The following GLCCI1 variants were observed in gnomAD, a reference collection of about 807,000 sequenced individuals.
GLCCI1 encodes the protein glucocorticoid-induced transcript 1 protein.
A neutral mutation model predicts 52.2 loss-of-function variants in GLCCI1; 24 were observed. That is an observed-to-expected ratio of 0.46 (90% CI 0.33 to 0.65). The LOEUF (loss-of-function observed/expected upper bound fraction) is 0.65, where lower values mean the gene tolerates loss of function less well. Ranked by LOEUF, GLCCI1 falls within the 30% of genes least tolerant of loss-of-function variation. The pLI is 0.02. For synonymous variants in GLCCI1, 310 were observed against 276.5 expected, an observed-to-expected ratio of 1.12 and a Z score of -1.20; for missense variants, 704 against 701.5, an observed-to-expected ratio of 1.00 and a Z score of -0.04.
intron 1 of GLCCI1, among the ~76,000 whole-genome samples, chr7:7,983,007 T>A (rs768128131): frequency 1.8e-4 from 27 of 152,180 alleles, no homozygotes; most frequent in Non-Finnish European, 3.7e-4. Context: ...TTAGCTAGTC[T>A]TTAGGACACT....
At chr7:7,976,728 A>G (rs1489039983) in intron 1 of GLCCI1, among the ~76,000 whole-genome samples, 1 of 151,740 alleles carries the variant, frequency 6.6e-6, no homozygotes, top group African/African-American at 2.4e-5. Context: ...CCTGAGCAAC[A>G]TGACAAGACC....
chr7:8,050,889 C>T (rs919556910), intron 3 of GLCCI1, among the ~76,000 whole-genome samples: 9 of 152,090 alleles, frequency 5.9e-5, no homozygotes, highest in African/African-American at 2.2e-4. Flanking sequence ...AATAATAGTA[C>T]CTATCTCATG....
chr7:8,063,387 C>T (rs921092434), intron 5 of GLCCI1, among the ~76,000 whole-genome samples: 2 of 151,946 alleles, frequency 1.3e-5, no homozygotes, highest in African/African-American at 4.8e-5. Flanking sequence ...CTCAGGCAAT[C>T]CACCCACCTC....
chr7:7,979,930 C>T (rs1780574540), intron 1 of GLCCI1, among the ~76,000 whole-genome samples: 1 of 151,888 alleles, frequency 6.6e-6, no homozygotes, highest in Admixed American at 6.6e-5. Flanking sequence ...TTTTCTTTAT[C>T]TTTCTGTCTT....
chr7:8,033,098 A>G (rs186850274), intron 3 of GLCCI1, among the ~76,000 whole-genome samples: 3 of 152,192 alleles, frequency 2.0e-5, no homozygotes, highest in South Asian at 2.1e-4. Flanking sequence ...ATGGTTTAAC[A>G]TCAGAAAATT....
At chr7:8,005,433 G>C (rs930143748) in intron 2 of GLCCI1, among the ~76,000 whole-genome samples, 1 of 152,072 alleles carries the variant, frequency 6.6e-6, no homozygotes, top group Non-Finnish European at 1.5e-5. Context: ...ACTGTGTACC[G>C]TGTACTGTTT....
chr7:8,077,881 G>T (rs750737363), intron 6 of GLCCI1, among the ~76,000 whole-genome samples: 1 of 152,156 alleles, frequency 6.6e-6, no homozygotes, highest in Non-Finnish European at 1.5e-5. Context: ...GAAATTGAAC[G>T]GTTGGGGTAT....
At chr7:7,977,027 TAC>T (rs1780487765) in intron 1 of GLCCI1, among the ~76,000 whole-genome samples, 1 of 152,094 alleles carries the variant, frequency 6.6e-6, no homozygotes, top group Admixed American at 6.6e-5. Context: ...GAAGATCAAA[TAC>T]TTATTAACTA....
At chr7:8,063,875 C>A (rs1782572580) in intron 5 of GLCCI1, among the ~76,000 whole-genome samples, 1 of 152,036 alleles carries the variant, frequency 6.6e-6, no homozygotes, top group African/African-American at 2.4e-5. Flanking sequence ...CTTGCCTGGG[C>A]CTCCCAAAGT....
chr7:8,075,107 G>A (rs1782849177), intron 6 of GLCCI1, among the ~76,000 whole-genome samples: 1 of 152,178 alleles, frequency 6.6e-6, no homozygotes, highest in African/African-American at 2.4e-5. Context: ...TATGAATTAT[G>A]TATAATTTGA....
At chr7:8,032,521 C>G (rs1781777309) in intron 3 of GLCCI1, among the ~76,000 whole-genome samples, 1 of 151,960 alleles carries the variant, frequency 6.6e-6, no homozygotes, top group African/African-American at 2.4e-5. Context: ...AGAAAAAAAG[C>G]AGACCCAAAT....
At chr7:8,031,394 C>A (rs13223776) in intron 3 of GLCCI1, among the ~76,000 whole-genome samples, 10,550 of 151,904 alleles carry the variant, frequency 0.069, 481 homozygotes, top group Non-Finnish European at 0.11. Flanking sequence ...TACTTACAGG[C>A]TGGAAAGTGT....
At chr7:7,998,094 A>G (rs1316562960) in intron 1 of GLCCI1, among the ~76,000 whole-genome samples, 2 of 151,630 alleles carry the variant, frequency 1.3e-5, no homozygotes, top group Non-Finnish European at 2.9e-5. Context: ...GTCTGATTTA[A>G]TTTTACTCTG....
At chr7:8,012,660 T>C (rs926398226) in intron 2 of GLCCI1, among the ~76,000 whole-genome samples, 8 of 151,946 alleles carry the variant, frequency 5.3e-5, no homozygotes, top group Non-Finnish European at 1.0e-4. Flanking sequence ...TTAGCCAGGA[T>C]GGTCTTGATC....
At chr7:7,993,149 A>C (rs150929527) in intron 1 of GLCCI1, among the ~76,000 whole-genome samples, 96 of 152,254 alleles carry the variant, frequency 6.3e-4, no homozygotes, top group African/African-American at 2.2e-3. Context: ...TTTAGGAAGA[A>C]TCTGCTATTT....
chr7:7,991,713 C>A (rs563397830), intron 1 of GLCCI1, among the ~76,000 whole-genome samples: 1 of 152,202 alleles, frequency 6.6e-6, no homozygotes, highest in African/African-American at 2.4e-5. Flanking sequence ...ATCTTTTCTA[C>A]ATGGCTCTTC....
intron 3 of GLCCI1, among the ~76,000 whole-genome samples, chr7:8,030,574 A>T (rs1423007525): frequency 2.0e-5 from 3 of 152,180 alleles, no homozygotes; most frequent in East Asian, 1.9e-4. Context: ...TGCACAGCAA[A>T]CAATCAACAG....
rs1385285101 is a variant in GLCCI1, at chr7:8,088,114, A to G, written c.*1576A>G. 3.3e-5 allele frequency: 5 copies of G among 152,194 alleles called. No individual in the cohort carries two copies. Among genetic ancestry groups the G allele is most frequent in the African/African-American group, 4.8e-5 (2 of 41,452 alleles). The allele number at this position is 152,194 out of a possible 1,614,324, so 9.4% of individuals were successfully genotyped here. A position where few individuals can be genotyped will look rare whatever the true frequency, so the allele number is the denominator to read the frequency against. On this transcript the variant is annotated 3_prime_UTR_variant, in exon 8 of 8. Transcript: ENST00000223145. ...GTGCCTACAGTTAAAGGAACGTTTC[A>G]GTTCCTTTCATTCATTCCTGGGTTT...
chr7:8,051,275 A>T (rs1317065545), intron 3 of GLCCI1, among the ~76,000 whole-genome samples: 1 of 152,246 alleles, frequency 6.6e-6, no homozygotes, highest in Non-Finnish European at 1.5e-5. Context: ...GTGTATTTGC[A>T]GAGGTCTTCT....
Sources: gnomAD v4.1 joint callset for allele counts (sites outside exome capture counted in the v4.1 genomes callset) on GRCh38, gnomAD v4.1.1 for gene constraint, MANE v1.5 for transcripts, NCBI Gene and HGNC (gene_info 2026-07-23, HGNC 2026-07-21) for gene names.